EEF2KMT: variants seen among roughly 807,000 people sequenced by gnomAD.
The protein encoded by EEF2KMT is eukaryotic elongation factor 2 lysine methyltransferase.
In EEF2KMT, 30 loss-of-function variants were observed where a neutral mutation model predicts 35.1. The observed-to-expected ratio is 0.85, with a 90% CI of 0.64 to 1.16. The LOEUF is 1.16. Among genes scored for constraint, EEF2KMT ranks in the 50% most tolerant of loss-of-function variants. EEF2KMT has a pLI of 0.00. For synonymous variants in EEF2KMT, 190 were observed against 187.7 expected (o/e 1.01, Z -0.10); for missense variants, 499 against 438.2 (o/e 1.14, Z -1.24).
Position 5,090,193 on chromosome 16 carries a change from G to A in EEF2KMT, c.633C>T (p.Asp211=). 1.2e-6 allele frequency: 2 copies of A among 1,611,904 alleles called. No homozygotes were observed. The highest frequency in any genetic ancestry group is 1.7e-6 in the Non-Finnish European group (2 of 1,179,854). ...VLLNGLSLEA[D]ITAKLDSPRV... ...TGGGGCTGTCTAACTTGGCAGTGAT[G>A]TCTGCCTCTAATGAGAGGCCATTGA... The change falls in exon 6 of 8, where the codon GAC becomes GAT. Residue 211 remains aspartate, a synonymous_variant. Coordinates refer to ENST00000427587, the MANE Select transcript of EEF2KMT (RefSeq NM_201400.4). This position sits in a 1 kb window ranked among gnomAD's most constrained non-coding sequence, Gnocchi z 4.1.
Position 5,090,212 on chromosome 16 carries a change from C to T in EEF2KMT, c.614G>A (p.Gly205Asp), listed in dbSNP as rs761367160. Reference sequence around the variant, plus strand: ...AGTGATGTCTGCCTCTAATGAGAGGCCATTGAGAAGGACATTCCCTCGGAG... The same window carrying T: ...AGTGATGTCTGCCTCTAATGAGAGGTCATTGAGAAGGACATTCCCTCGGAG... Reference protein sequence around the residue: ...EQLRGNVLLNGLSLEADITAK... With the variant: ...EQLRGNVLLNDLSLEADITAK... Residue 205 changes from glycine (G) to aspartate (D), a missense_variant, in exon 6 of 8, where the codon GGC (glycine) becomes GAC (aspartate). Coordinates refer to ENST00000427587, the MANE Select transcript of EEF2KMT (RefSeq NM_201400.4). The surrounding 1 kb of genome is among the most constrained non-coding windows in gnomAD (Gnocchi z 4.1). 2.5e-6 allele frequency: 4 copies of T among 1,611,874 alleles called. No homozygotes were observed.
Position 5,089,567 on chromosome 16 carries a change from C to G in EEF2KMT, c.743-311G>C, listed in dbSNP as rs1413399441. 2.4e-4 allele frequency: 115 copies of G among 483,634 alleles called. 1 individual carries two copies. Among genetic ancestry groups the G allele is most frequent in the Non-Finnish European group, 4.8e-5 (13 of 268,676 alleles). 30.0% of individuals were successfully genotyped at this position (483,634 alleles called of 1,614,324 possible). A position where few individuals can be genotyped will look rare whatever the true frequency, so the allele number is the denominator to read the frequency against. ...ACACAAAGCCTGACCCTGCCATGAA[C>G]TTCATGTTTCAGGCATCTGCTGATT... On this transcript the variant is annotated intron_variant, in intron 6 of 7. Coordinates refer to ENST00000427587, the MANE Select transcript of EEF2KMT (RefSeq NM_201400.4).
chr16:5,090,542 G>T lies in EEF2KMT; in HGVS notation c.366C>A (p.Leu122=). ...YLLPSGGSVT[L]SESTAIISYG... ...AGGAGATGATGGCCGTGCTCTCGGAGAGTGTGACCGAGCCTCCCGAGGGCT... is the reference window on the plus strand; with the variant it reads ...AGGAGATGATGGCCGTGCTCTCGGATAGTGTGACCGAGCCTCCCGAGGGCT... Residue 122 remains leucine, a synonymous_variant, in exon 5 of 8, where the codon CTC becomes CTA. Coordinates refer to ENST00000427587, the MANE Select transcript of EEF2KMT (RefSeq NM_201400.4). This position sits in a 1 kb window ranked among gnomAD's most constrained non-coding sequence, Gnocchi z 4.1. 1.2e-6 allele frequency: 2 copies of T among 1,612,030 alleles called. No individual in the cohort carries two copies. Among genetic ancestry groups the T allele is most frequent in the African/African-American group, 1.3e-5 (1 of 74,988 alleles).
chr16:5,095,908 G>A (rs1258814276), intron 1 of EEF2KMT, among the ~76,000 whole-genome samples: 1 of 149,690 alleles, frequency 6.7e-6, no homozygotes, highest in Non-Finnish European at 1.5e-5. Context: ...CTCAAGCCCA[G>A]CAGCGAGCCT....
rs57377039 is a variant in EEF2KMT, at chr16:5,084,934, T to G, written c.*698A>C. 1.2e-4 allele frequency: 196 copies of G among 1,596,274 alleles called. 1 individual carries two copies. In the East Asian group the frequency reaches 1.3e-3, roughly 11 times the overall value. The stretch of plus-strand genomic sequence containing the variant: ...GACCCCTGCTGTCCTTCCCGCAGCT[T>G]CTTCTTGGAGTCTCAGGGCAAACCC... On this transcript the variant is annotated 3_prime_UTR_variant, in exon 8 of 8. Transcript: ENST00000427587.
At chr16:5,088,942 C>T (rs538335463) in intron 7 of EEF2KMT, among the ~76,000 whole-genome samples, 165 bp downstream of exon 7, 22 of 152,324 alleles carry the variant, frequency 1.4e-4, no homozygotes, top group East Asian at 7.7e-4. Context: ...AAGCCCCCCA[C>T]GCCCCAAGCC....
At chr16:5,096,975 G>T (rs1957482291) in intron 1 of EEF2KMT, among the ~76,000 whole-genome samples, 1 of 152,224 alleles carries the variant, frequency 6.6e-6, no homozygotes, top group Admixed American at 6.5e-5. Context: ...GGCAGACCCA[G>T]GGAGGAATAT....
intron 1 of EEF2KMT, among the ~76,000 whole-genome samples, chr16:5,095,946 G>GA (rs1567182707): frequency 7.2e-5 from 11 of 151,980 alleles, no homozygotes; most frequent in African/African-American, 2.4e-4. Flanking sequence ...AGACTGTCTC[G>GA]GCTGGTATGT....
At chr16:5,094,174 C>A (rs1034547441) in intron 2 of EEF2KMT, among the ~76,000 whole-genome samples, 5 of 152,200 alleles carry the variant, frequency 3.3e-5, no homozygotes, top group African/African-American at 1.2e-4. Context: ...AGGAGACGGT[C>A]CACAGTGCCT....
chr16:5,086,273 T>C (rs1239151102), intron 7 of EEF2KMT, among the ~76,000 whole-genome samples: 1 of 150,290 alleles, frequency 6.7e-6, no homozygotes, highest in East Asian at 2.0e-4. Flanking sequence ...AGGTGGAGGT[T>C]GCAGTGAGCT....
At chr16:5,095,728 G>A (rs1425921114) in intron 1 of EEF2KMT, among the ~76,000 whole-genome samples, 1 of 151,870 alleles carries the variant, frequency 6.6e-6, no homozygotes, top group Non-Finnish European at 1.5e-5. Flanking sequence ...GGCCACATTA[G>A]TCCTGGCTAC....
At chr16:5,087,008 CGAGTG>C (rs1957201437) in intron 7 of EEF2KMT, 1 of 152,090 alleles carries the variant, frequency 6.6e-6, no homozygotes, top group Non-Finnish European at 1.5e-5. Context: ...TTTTTTGTTA[CGAGTG>C]GAAAATGCGT....
chr16:5,090,131 G>C lies in EEF2KMT; in HGVS notation c.695C>G (p.Thr232Arg), dbSNP rs534671907. 6.2e-7 allele frequency: 1 copy of C among 1,609,496 alleles called. No individual in the cohort carries two copies. Among genetic ancestry groups the C allele is most frequent in the East Asian group, 2.2e-5 (1 of 44,886 alleles). ...CTGGAAGGCAGAGAGCTGATGGACCGTCGCGACGTCCCAGTCCAGCTGGGC... is the reference window on the plus strand; with the variant it reads ...CTGGAAGGCAGAGAGCTGATGGACCCTCGCGACGTCCCAGTCCAGCTGGGC... ...TVAQLDWDVA[T>R]VHQLSAFQPD... The change falls in exon 6 of 8, where the codon ACG (threonine) becomes AGG (arginine). Residue 232 changes from threonine to arginine, a missense_variant. Transcript: ENST00000427587. The surrounding 1 kb of genome is among the most constrained non-coding windows in gnomAD (Gnocchi z 4.1).
intron 6 of EEF2KMT, among the ~76,000 whole-genome samples, 159 bp downstream of exon 6, chr16:5,089,925 C>G (rs1957304683): frequency 6.6e-6 from 1 of 152,210 alleles, no homozygotes; most frequent in African/African-American, 2.4e-5. Flanking sequence ...AAGAGGCACC[C>G]CTGTCCTGTG....
chr16:5,094,593 C>G (rs553539782), intron 2 of EEF2KMT, among the ~76,000 whole-genome samples: 2 of 152,284 alleles, frequency 1.3e-5, no homozygotes, highest in Admixed American at 1.3e-4. Context: ...GCTCTCCCTA[C>G]ATTTCATGCT....
intron 7 of EEF2KMT, among the ~76,000 whole-genome samples, 193 bp downstream of exon 7, chr16:5,088,914 C>A (rs1039924918): frequency 6.6e-6 from 1 of 152,234 alleles, no homozygotes; most frequent in Non-Finnish European, 1.5e-5. Context: ...CTGTGCTGAG[C>A]TGCCCTCCTC....
chr16:5,088,810 C>T (rs1391849498), intron 7 of EEF2KMT, among the ~76,000 whole-genome samples: 1 of 152,124 alleles, frequency 6.6e-6, no homozygotes. Flanking sequence ...CTCCCGCCAC[C>T]TCCATTTTAT....
intron 2 of EEF2KMT, among the ~76,000 whole-genome samples, chr16:5,094,632 T>TGAAACTCAGAGC (rs1311886255): frequency 6.6e-6 from 1 of 152,084 alleles, no homozygotes; most frequent in Non-Finnish European, 1.5e-5. Context: ...AGGCTCAGGG[T>TGAAACTCAGAGC]GAAACTCAGA....
At chr16:5,094,256 C>A (rs912004358) in intron 2 of EEF2KMT, among the ~76,000 whole-genome samples, 12 of 152,040 alleles carry the variant, frequency 7.9e-5, no homozygotes, top group African/African-American at 2.9e-4. Flanking sequence ...GCTCTTCAGG[C>A]TGGTGCTGGT....
Sources: gnomAD v4.1 joint callset for allele counts (sites outside exome capture counted in the v4.1 genomes callset) on GRCh38, gnomAD v4.1.1 for gene constraint, Gnocchi (gnomAD v3.1) non-coding constraint, MANE v1.5 for transcripts, NCBI Gene and HGNC (gene_info 2026-07-23, HGNC 2026-07-21) for gene names.